Variants in CTSB observed in about 807,000 individuals in gnomAD.
The protein encoded by CTSB is cathepsin B.
CTSB carries 57 observed loss-of-function variants against 44.3 expected under a neutral mutation model. The ratio of observed to expected loss-of-function variants is 1.29; its 90% CI spans 1.04 to 1.60. The LOEUF is 1.60. Ranked by LOEUF, CTSB falls within the 40% of genes most tolerant of loss-of-function variation. CTSB has a pLI of 0.00. For missense variants in CTSB, 768 were observed against 443.0 expected (o/e 1.73, Z -6.59); for synonymous variants, 320 against 168.0 (o/e 1.91, Z -7.00).
rs143899246 is a variant in CTSB, at chr8:11,846,045, T to C, written c.794-256A>G. 1.3e-4 allele frequency: 42 copies of C among 327,012 alleles called. No homozygotes were observed. In the Admixed American group the frequency reaches 1.3e-3, roughly 10 times the overall value. The allele number at this position is 327,012 out of a possible 1,614,324, so 20.3% of individuals were successfully genotyped here. A position where few individuals can be genotyped will look rare whatever the true frequency, so the allele number is the denominator to read the frequency against. On this transcript the variant is annotated intron_variant, in intron 8 of 9. Coordinates refer to ENST00000353047, the MANE Select transcript of CTSB (RefSeq NM_001908.5). ...AAAATGTGCTTGTTGGCTTTAAAAA[T>C]AGAATTTCTAATACATTCTAATTGA...
intron 3 of CTSB, among the ~76,000 whole-genome samples, chr8:11,851,396 G>C (rs1456946262): frequency 6.6e-6 from 1 of 152,060 alleles, no homozygotes. Flanking sequence ...CACCATGTTG[G>C]CCAGGCTGGT....
In CTSB at chr8:11,853,492, G is replaced by C. The variant is rs767300411; in HGVS notation, c.-25-13C>G. The stretch of plus-strand genomic sequence containing the variant: ...ATCCTAGATCCACCTGGAGAGGACA[G>C]AGGGCATCAGGACACCTCTCTGTTA... On this transcript the variant is annotated splice_polypyrimidine_tract_variant and intron_variant, in intron 1 of 9. Coordinates refer to ENST00000353047, the MANE Select transcript of CTSB (RefSeq NM_001908.5). The C allele has an allele frequency of 2.5e-6, 4 of 1,604,020 alleles. No individual in the cohort carries two copies. The highest frequency in any genetic ancestry group is 1.1e-5 in the South Asian group (1 of 90,392).
At chr8:11,857,580 G>T (rs1054186767) in intron 1 of CTSB, among the ~76,000 whole-genome samples, 12 of 152,140 alleles carry the variant, frequency 7.9e-5, no homozygotes, top group African/African-American at 2.7e-4. Flanking sequence ...TACTGTGGTG[G>T]CTGAGAACAC....
In CTSB at chr8:11,845,092, C is replaced by T. The variant is rs753974363; in HGVS notation, c.*33G>A. The T allele has an allele frequency of 3.6e-5, 51 of 1,418,174 alleles. No individual in the cohort carries two copies. Among genetic ancestry groups the T allele is most frequent in the Non-Finnish European group, 5.0e-5 (50 of 1,002,126 alleles). The allele number at this position is 1,418,174 out of a possible 1,614,324, so 87.8% of individuals were successfully genotyped here. A position where few individuals can be genotyped will look rare whatever the true frequency, so the allele number is the denominator to read the frequency against. ...AAAATGCATTTCTACCCCGATCTCG[C>T]CCCCAGGACTGGCACGACAGGCCCA... On this transcript the variant is annotated 3_prime_UTR_variant, in exon 10 of 10. Transcript: ENST00000353047.
At position 11,844,789 on chromosome 8, in the gene CTSB, C is replaced by T. The variant is rs78656040; in HGVS notation, c.*336G>A. 2.4e-4 allele frequency: 59 copies of T among 244,258 alleles called. No individual in the cohort carries two copies. Among genetic ancestry groups the T allele is most frequent in the Middle Eastern group, 1.3e-3 (1 of 764 alleles). 15.1% of individuals were successfully genotyped at this position (244,258 alleles called of 1,614,324 possible). On this transcript the variant is annotated 3_prime_UTR_variant, in exon 10 of 10. Transcript: ENST00000353047. ...GGAACTTTCATCCTGTTAGGAACTC[C>T]GCTTTCCATTCCTGCGTCTCTGTCT...
rs550759533 is a variant in CTSB, at chr8:11,845,153, C to T, written c.992G>A (p.Arg331His). 1.1e-4 allele frequency: 179 copies of T among 1,613,598 alleles called. No homozygotes were observed. The highest frequency in any genetic ancestry group is 1.4e-4 in the Non-Finnish European group (167 of 1,179,616). Residue 331 changes from arginine to histidine, a missense_variant, in exon 10 of 10, where the codon CGC becomes CAC. Coordinates refer to ENST00000353047, the MANE Select transcript of CTSB (RefSeq NM_001908.5). ...IESEVVAGIPRTDQYWEKI is the reference protein window; with the variant it reads ...IESEVVAGIPHTDQYWEKI ...GATCTTTTCCCAGTACTGATCGGTG[C>T]GTGGAATTCCAGCCACCACTTCTGA...
chr8:11,850,441 AGAAAG>A (rs532080117), intron 4 of CTSB, among the ~76,000 whole-genome samples: 5 of 62,056 alleles, frequency 8.1e-5, no homozygotes, highest in East Asian at 6.9e-4. Context: ...AAAAAAAAAA[AGAAAG>A]AAAAAGAAAA....
At position 11,845,167 on chromosome 8, in the gene CTSB, C is replaced by G. The variant is rs755824569; in HGVS notation, c.978G>C (p.Val326=). 6.2e-7 allele frequency: 1 copy of G among 1,614,114 alleles called. No individual in the cohort carries two copies. Among genetic ancestry groups the G allele is most frequent in the Non-Finnish European group, 8.5e-7 (1 of 1,179,954 alleles). Residue 326 remains valine, a synonymous_variant, in exon 10 of 10, where the codon GTG becomes GTC. Transcript: ENST00000353047. ...ACTGATCGGTGCGTGGAATTCCAGC[C>G]ACCACTTCTGATTCGATTCCACAGT... ...QDHCGIESEV[V]AGIPRTDQYW...
rs2740592 is a variant in CTSB at position 11,843,744 on chromosome 8, A to G, written c.*1381T>C. 28,618 of 152,154 alleles carry G rather than the reference A, an allele frequency of 0.19. 3,143 individuals carry two copies. Among genetic ancestry groups the G allele is most frequent in the Middle Eastern group, 0.26 (77 of 294 alleles). The allele number at this position is 152,154 out of a possible 1,614,324, so 9.4% of individuals were successfully genotyped here. On this transcript the variant is annotated 3_prime_UTR_variant, in exon 10 of 10. Coordinates refer to ENST00000353047, the MANE Select transcript of CTSB (RefSeq NM_001908.5). Reference sequence around the variant, plus strand: ...TTGCTGGATTTGTGGCTGATAAAAAATACAGGCAGGGCCCAGTGGCTCACG... The same window carrying G: ...TTGCTGGATTTGTGGCTGATAAAAAGTACAGGCAGGGCCCAGTGGCTCACG...
rs537030947 is a variant in CTSB at position 11,849,373 on chromosome 8, C to A, written c.328-209G>T. 2.0e-4 allele frequency: 77 copies of A among 393,994 alleles called. 2 individuals are homozygous for A. The highest frequency in any genetic ancestry group is 3.4e-4 in the Non-Finnish European group (70 of 205,210). The allele number at this position is 393,994 out of a possible 1,614,324, so 24.4% of individuals were successfully genotyped here. ...GTTGGCCAGACTGGTCTTGAACTCCCGGGTTCAAGTGATTTGCCCACCTTG... is the reference window on the plus strand; with the variant it reads ...GTTGGCCAGACTGGTCTTGAACTCCAGGGTTCAAGTGATTTGCCCACCTTG... On this transcript the variant is annotated intron_variant, in intron 4 of 9. Transcript: ENST00000353047.
chr8:11,858,812 G>A (rs1003281660), intron 1 of CTSB, among the ~76,000 whole-genome samples: 15 of 152,178 alleles, frequency 9.9e-5, no homozygotes, highest in Admixed American at 3.3e-4. Flanking sequence ...GTGACAAGCT[G>A]AGCTGTTAAC....
rs764099233 is a variant in CTSB, at chr8:11,849,129, G to C, written c.363C>G (p.Ile121Met). Residue 121 changes from isoleucine (I) to methionine (M), a missense_variant, in exon 5 of 10, where the codon ATC becomes ATG. Coordinates refer to ENST00000353047, the MANE Select transcript of CTSB (RefSeq NM_001908.5). ...FGAVEAISDR[I>M]CIHTNAHVSV... Reference sequence around the variant, plus strand: ...TGACGTGCGCATTGGTGTGGATGCAGATCCGGTCAGAGATGGCTTCCACAG... The same window carrying C: ...TGACGTGCGCATTGGTGTGGATGCACATCCGGTCAGAGATGGCTTCCACAG... 22 of 1,613,330 alleles carry C rather than the reference G, an allele frequency of 1.4e-5. No homozygotes were observed. Among genetic ancestry groups the C allele is most frequent in the Non-Finnish European group, 1.8e-5 (21 of 1,179,860 alleles).
At chr8:11,849,591 T>TTTC (rs386412084) in intron 4 of CTSB, 1 of 153,786 alleles carries the variant, frequency 6.5e-6, no homozygotes, top group Non-Finnish European at 1.4e-5. Context: ...TTTTTTTTTT[T>TTTC]TTCCTGGAGG....
intron 4 of CTSB, 121 bp from the exon 5 acceptor site, chr8:11,849,285 G>T (rs898173211): frequency 2.2e-5 from 15 of 669,630 alleles, no homozygotes; most frequent in Non-Finnish European, 2.1e-5. Flanking sequence ...CTCAACACCA[G>T]GGGACGCTCC....
At position 11,847,871 on chromosome 8, in the gene CTSB, A is replaced by AAGCCCCAGCTGCGCGAGGC. The variant is rs3215434; in HGVS notation, c.533-50_533-49insGCCTCGCGCAGCTGGGGCT. ...GAGTCAACCTACAGCCCCCACGGAG[A>AAGCCCCAGCTGCGCGAGGC]AGACCTGGGGCAAGGCAAGCCTCGT... On this transcript the variant is annotated intron_variant, in intron 6 of 9. Coordinates refer to ENST00000353047, the MANE Select transcript of CTSB (RefSeq NM_001908.5). 1.5e-3 allele frequency: 2,403 copies of AAGCCCCAGCTGCGCGAGGC among 1,555,230 alleles called. 35 individuals are homozygous for AAGCCCCAGCTGCGCGAGGC. In the African/African-American group the frequency reaches 0.025, roughly 16 times the overall value.
chr8:11,853,678 G>A, intron 1 of CTSB, 199 bp from the exon 2 acceptor site: 2 of 513,724 alleles, frequency 3.9e-6, no homozygotes, highest in Non-Finnish European at 6.8e-6. Flanking sequence ...TGGGTCCCCG[G>A]GGGCCAGGCG....
intron 5 of CTSB, 77 bp from the exon 6 acceptor site, chr8:11,848,229 GC>G: frequency 1.5e-6 from 2 of 1,362,032 alleles, no homozygotes; most frequent in Middle Eastern, 1.8e-4. Flanking sequence ...CTACCCAAGT[GC>G]CCGAGGCCAC....
intron 1 of CTSB, chr8:11,857,736 C>G (rs1033451452): frequency 1.3e-5 from 2 of 152,512 alleles, no homozygotes; most frequent in African/African-American, 4.8e-5. Flanking sequence ...CCAGGCCCTC[C>G]CACACCTCCC....
At chr8:11,845,928 AG>A (rs552680684) in intron 8 of CTSB, 139 bp from the exon 9 acceptor site, 35 of 987,588 alleles carry the variant, frequency 3.5e-5, no homozygotes, top group Admixed American at 1.4e-4. Flanking sequence ...AGGAGGCTCC[AG>A]GGGGGGTCCC....
Sources: allele counts gnomAD v4.1 joint callset (sites outside exome capture counted in the v4.1 genomes callset), GRCh38; gene constraint gnomAD v4.1.1; transcripts MANE v1.5; gene names NCBI Gene and HGNC (gene_info 2026-07-23, HGNC 2026-07-21).